CLIC5: variants seen among roughly 807,000 people sequenced by gnomAD.
CLIC5 encodes the protein CLIC family member 5.
In CLIC5, 20 loss-of-function variants were observed where a neutral mutation model predicts 24.7. The ratio of observed to expected loss-of-function variants is 0.81; its 90% CI spans 0.57 to 1.18. The LOEUF is 1.18. Ranked by LOEUF, CLIC5 falls within the 50% of genes most tolerant of loss-of-function variation. The pLI, the probability that CLIC5 is intolerant of heterozygous loss-of-function variation, is 0.00. For synonymous variants in CLIC5, 159 were observed against 135.6 expected (o/e 1.17, Z -1.20); for missense variants, 341 against 326.1 (o/e 1.05, Z -0.35).
At chr6:46,114,063 T>C in the CLIC5 span, among the ~76,000 whole-genome samples, 1 of 152,240 alleles carries the variant, frequency 6.6e-6, no homozygotes, top group South Asian at 2.1e-4. Context: ...GGAGAGAGTT[T>C]ATTTAAAGAG....
the CLIC5 span, among the ~76,000 whole-genome samples, chr6:46,091,261 C>A: frequency 6.6e-6 from 1 of 152,314 alleles, no homozygotes; most frequent in South Asian, 2.1e-4. Flanking sequence ...GTCCCCTAAC[C>A]CACCAACCTC....
intron 1 of CLIC5, among the ~76,000 whole-genome samples, chr6:45,993,927 C>T (rs1238137580): frequency 6.6e-6 from 1 of 152,118 alleles, no homozygotes; most frequent in Non-Finnish European, 1.5e-5. Context: ...CTCAAGATAC[C>T]CCATTGCTCT....
At chr6:45,909,051 T>G (rs1199695150) in intron 5 of CLIC5, among the ~76,000 whole-genome samples, 1 of 152,126 alleles carries the variant, frequency 6.6e-6, no homozygotes, top group Non-Finnish European at 1.5e-5. Context: ...TTTTTTTTTT[T>G]TTCACTATTG....
chr6:46,050,329 T>G (rs1768068906), intron 1 of CLIC5, among the ~76,000 whole-genome samples: 1 of 151,912 alleles, frequency 6.6e-6, no homozygotes, highest in Admixed American at 6.6e-5. Context: ...TTTGGTTAAA[T>G]TGAGTTTTCT....
At position 46,035,359 on chromosome 6, in the gene CLIC5, C is replaced by A. The variant is rs192259470; in HGVS notation, c.540+44344G>T. 1.7e-4 allele frequency among the ~76,000 whole-genome samples: 26 copies of A among 152,306 alleles called. No individual in the cohort carries two copies. In the East Asian group the frequency reaches 5.0e-3, roughly 29 times the overall value. On this transcript the variant is annotated intron_variant, in intron 1 of 5. Transcript: ENST00000185206. ...AGTAAATAGCTTTTTGACTAAATAACAAGGTGAGTCATTTGTTTCAGGGTG... is the reference window on the plus strand; with the variant it reads ...AGTAAATAGCTTTTTGACTAAATAAAAAGGTGAGTCATTTGTTTCAGGGTG...
At chr6:46,023,232 T>G (rs1263747594) in intron 1 of CLIC5, among the ~76,000 whole-genome samples, 4 of 152,188 alleles carry the variant, frequency 2.6e-5, no homozygotes, top group Non-Finnish European at 5.9e-5. Context: ...TAATAATAGT[T>G]AACATTTGCT....
intron 4 of CLIC5, among the ~76,000 whole-genome samples, chr6:45,935,560 C>A (rs1763900227): frequency 6.6e-6 from 1 of 152,248 alleles, no homozygotes. Context: ...CATAACTTCT[C>A]CCTGCAAGAT....
At position 45,941,626 on chromosome 6, in the gene CLIC5, C is replaced by T. The variant is rs769859109; in HGVS notation, c.327G>A (p.Arg109=). ...EKYPKLAAKH[R]ESNTAGIDIF... is the part of the protein sequence containing the mutation. ...TGTCGATGCCCGCTGTGTTGGATTC[C>T]CGGTGTTTTGCAGCCAGTTTGGGGT... Residue 109 remains arginine, a synonymous_variant, in exon 4 of 6, where the codon CGG becomes CGA. Transcript: ENST00000339561. The T allele has an allele frequency of 6.2e-7, 1 of 1,613,832 alleles. No individual in the cohort carries two copies. The highest frequency in any genetic ancestry group is 8.5e-7 in the Non-Finnish European group (1 of 1,179,922).
intron 1 of CLIC5, among the ~76,000 whole-genome samples, chr6:46,054,099 C>T (rs1310650576): frequency 6.6e-6 from 1 of 152,092 alleles, no homozygotes; most frequent in Non-Finnish European, 1.5e-5. Context: ...TGTTTGCCCT[C>T]AAAATGATTT....
chr6:45,964,401 TA>T (rs1259755569), intron 1 of CLIC5, among the ~76,000 whole-genome samples: 1 of 152,114 alleles, frequency 6.6e-6, no homozygotes, highest in Non-Finnish European at 1.5e-5. Context: ...CCCTTCTTCT[TA>T]AAATAGGGCA....
chr6:45,943,652 T>G (rs758740816), intron 3 of CLIC5, among the ~76,000 whole-genome samples: 1 of 152,236 alleles, frequency 6.6e-6, no homozygotes, highest in Non-Finnish European at 1.5e-5. Flanking sequence ...TTGTTTGGGT[T>G]TCTTGCTTTG....
At chr6:46,035,725 T>C (rs1466849762) in intron 1 of CLIC5, among the ~76,000 whole-genome samples, 1 of 151,940 alleles carries the variant, frequency 6.6e-6, no homozygotes, top group Non-Finnish European at 1.5e-5. Context: ...CAGCCAGAGC[T>C]GGTGGTTTTC....
At chr6:45,941,203 G>T (rs189267075) in intron 4 of CLIC5, among the ~76,000 whole-genome samples, 12 of 152,328 alleles carry the variant, frequency 7.9e-5, no homozygotes, top group Non-Finnish European at 1.6e-4. Context: ...TCACAGGCAG[G>T]GTTGGGAACT....
chr6:45,894,085 GA>G (rs1762374207), downstream of CLIC5, among the ~76,000 whole-genome samples: 1 of 152,158 alleles, frequency 6.6e-6, no homozygotes, highest in African/African-American at 2.4e-5. Context: ...AGATAGTAAA[GA>G]AAGTGGAATT....
chr6:46,000,081 T>TTA (rs1273684393), intron 1 of CLIC5, among the ~76,000 whole-genome samples: 2 of 152,184 alleles, frequency 1.3e-5, no homozygotes, highest in African/African-American at 4.8e-5. Flanking sequence ...ACATTTTCTG[T>TTA]TATCTCCTTA....
chr6:45,911,686 A>G, intron 5 of CLIC5: 1 of 985,328 alleles, frequency 1.0e-6, no homozygotes, highest in Non-Finnish European at 1.2e-6. Context: ...TCAATACAGC[A>G]GAAATGCAAT....
At chr6:46,079,885 A>G (rs1163092795) in exon 1 of CLIC5, 1 of 1,551,978 alleles carries the variant, frequency 6.4e-7, no homozygotes, top group Non-Finnish European at 8.7e-7. Flanking sequence ...TCTGCTGCGC[A>G]GAGTTGCTGG....
chr6:45,975,887 G>C (rs1765368427), intron 1 of CLIC5, among the ~76,000 whole-genome samples: 1 of 152,134 alleles, frequency 6.6e-6, no homozygotes, highest in Non-Finnish European at 1.5e-5. Flanking sequence ...ATTATAAATA[G>C]CCTATTTCTC....
chr6:45,962,983 G>C (rs1764900956), intron 1 of CLIC5, among the ~76,000 whole-genome samples: 1 of 152,150 alleles, frequency 6.6e-6, no homozygotes. Flanking sequence ...AGAAAGAACT[G>C]CCCTTTCCAA....
Sources: allele counts gnomAD v4.1 joint callset (sites outside exome capture counted in the v4.1 genomes callset), GRCh38; gene constraint gnomAD v4.1.1; transcripts MANE v1.5; gene names NCBI Gene and HGNC (gene_info 2026-07-23, HGNC 2026-07-21).